Variants in SLC6A3 observed in about 807,000 individuals in gnomAD.
The protein encoded by SLC6A3 is sodium-dependent dopamine transporter.
SLC6A3 carries 19 observed loss-of-function variants against 70.4 expected under a neutral mutation model. The ratio of observed to expected loss-of-function variants is 0.27; its 90% confidence interval spans 0.19 to 0.40. The LOEUF is 0.40. SLC6A3 is among the 10% of genes least tolerant of loss of function. The pLI is 1.00. For missense variants in SLC6A3, 613 were observed against 838.5 expected, an observed-to-expected ratio of 0.73 and a Z score of 3.32; for synonymous variants, 368 against 356.6, an observed-to-expected ratio of 1.03 and a Z score of -0.36.
chr5:1,436,393 G>A lies in SLC6A3; in HGVS notation c.419-3695C>T, dbSNP rs1466607721. Among the ~76,000 whole-genome samples, 1 of 152,192 alleles carries A rather than the reference G, an allele frequency of 6.6e-6. No individual in the cohort carries two copies. Among genetic ancestry groups the A allele is most frequent in the African/African-American group, 2.4e-5 (1 of 41,456 alleles). ...TCTTAAACACCATTTAGTGACACGG[G>A]AGACTGTCTCCCCAAGGAGGTGGCA... On this transcript the variant is annotated intron_variant, in intron 3 of 14. Coordinates refer to ENST00000270349, the MANE Select transcript of SLC6A3 (RefSeq NM_001044.5). This position sits in a 1 kb window ranked among gnomAD's most constrained non-coding sequence, Gnocchi z 5.2.
chr5:1,429,978 A>G (rs458334), intron 4 of SLC6A3, among the ~76,000 whole-genome samples: 80,413 of 151,992 alleles, frequency 0.53, 21,988 homozygotes, highest in South Asian at 0.66. Context: ...TTATTTGGAC[A>G]ATTTTATCAT....
rs1756435751 is a variant in SLC6A3 at position 1,421,557 on chromosome 5, A to G, written c.792+319T>C. ...CAGCCACACGTGGACCCAAAACCCA[A>G]CTGTGCCGTGTGTCCGCCCAGCCCA... On this transcript the variant is annotated intron_variant, in intron 5 of 14. Transcript: ENST00000270349. This position sits in a 1 kb window ranked among gnomAD's most constrained non-coding sequence, Gnocchi z 7.2. 6.6e-6 allele frequency among the ~76,000 whole-genome samples: 1 copy of G among 151,818 alleles called. No homozygotes were observed. The highest frequency in any genetic ancestry group is 2.4e-5 in the African/African-American group (1 of 41,312).
At position 1,411,451 on chromosome 5, in the gene SLC6A3, G is replaced by C; in HGVS notation, c.1157-96C>G. 1.1e-6 allele frequency: 1 copy of C among 898,222 alleles called. No homozygotes were observed. The highest frequency in any genetic ancestry group is 1.8e-6 in the Non-Finnish European group (1 of 556,392). 55.6% of individuals were successfully genotyped at this position (898,222 alleles called of 1,614,324 possible). ...CCCCGAGAAGCATGGCCTGCCACAGGCCTGTAGAGACTAGGGCTGGTGCGG... is the reference window on the plus strand; with the variant it reads ...CCCCGAGAAGCATGGCCTGCCACAGCCCTGTAGAGACTAGGGCTGGTGCGG... On this transcript the variant is annotated intron_variant, in intron 8 of 14. Coordinates refer to ENST00000270349, the MANE Select transcript of SLC6A3 (RefSeq NM_001044.5). This position sits in a 1 kb window ranked among gnomAD's most constrained non-coding sequence, Gnocchi z 6.5.
At chr5:1,414,630 T>C (rs1370325463) in intron 8 of SLC6A3, 61 bp downstream of exon 8, 1 of 1,592,066 alleles carries the variant, frequency 6.3e-7, no homozygotes, top group Non-Finnish European at 8.5e-7. Context: ...AAAAAGGCTT[T>C]GCTGAGAGCT....
chr5:1,400,450 C>T (rs955537109), intron 14 of SLC6A3, among the ~76,000 whole-genome samples: 1 of 152,182 alleles, frequency 6.6e-6, no homozygotes, highest in Non-Finnish European at 1.5e-5. Flanking sequence ...TGACCATCCT[C>T]TCACTCGAAG....
intron 8 of SLC6A3, among the ~76,000 whole-genome samples, chr5:1,412,718 G>A (rs1408682618): frequency 6.6e-6 from 1 of 152,176 alleles, no homozygotes; most frequent in African/African-American, 2.4e-5. Context: ...AGAGTCCCCT[G>A]TCCTCAGCAG....
In SLC6A3 at chr5:1,400,962, C is replaced by T. The variant is rs745426965; in HGVS notation, c.1792G>A (p.Glu598Lys). 28 of 1,597,254 alleles carry T rather than the reference C, an allele frequency of 1.8e-5. 1 individual carries two copies. Among genetic ancestry groups the T allele is most frequent in the Admixed American group, 6.8e-5 (4 of 58,606 alleles). Residue 598 changes from glutamate (E) to lysine (K), a missense_variant, in exon 14 of 15, where the codon GAG (glutamate) becomes AAG (lysine). By Grantham distance (56) the Glu-to-Lys change is moderately conservative. This residue lies in a region of SLC6A3 where 348 missense variants were observed against 481.2 expected (regional missense o/e 0.72). Transcript: ENST00000270349. ...REKLAYAIAPEKDRELVDRGE... is the reference protein window; with the variant it reads ...REKLAYAIAPKKDRELVDRGE... Reference sequence around the variant, plus strand: ...CTGTCCACCAGCTCACGGTCCTTCTCGGGTGCAATGGCGTAGGCCAGTTTC... The same window carrying T: ...CTGTCCACCAGCTCACGGTCCTTCTTGGGTGCAATGGCGTAGGCCAGTTTC...
rs528388080 is a variant in SLC6A3, at chr5:1,442,787, T to C, written c.286+125A>G. The C allele has an allele frequency of 8.1e-6, 8 of 989,612 alleles. No individual in the cohort carries two copies. In the South Asian group the frequency reaches 9.1e-5, roughly 11 times the overall value. 61.3% of individuals were successfully genotyped at this position (989,612 alleles called of 1,614,324 possible). On this transcript the variant is annotated intron_variant, in intron 2 of 14. Transcript: ENST00000270349. The surrounding 1 kb of genome is among the most constrained non-coding windows in gnomAD (Gnocchi z 5.0). ...GAGGATCTGCACCGGCCGTGAGCTC[T>C]CACAGGGAGCTCCGTCTTCACGCAT... is the stretch of plus-strand genomic sequence containing the variant.
chr5:1,422,637 G>C (rs1313024385), intron 4 of SLC6A3, among the ~76,000 whole-genome samples: 9 of 39,084 alleles, frequency 2.3e-4, no homozygotes, highest in African/African-American at 2.9e-4. Context: ...CCGCTGCCCA[G>C]TGCTGCCCAT....
intron 6 of SLC6A3, among the ~76,000 whole-genome samples, chr5:1,417,289 G>A (rs1308929809): frequency 1.3e-5 from 2 of 151,768 alleles, no homozygotes; most frequent in Admixed American, 6.6e-5. Context: ...CTACATGATG[G>A]TGGCGCCCTG....
Position 1,406,219 on chromosome 5 carries a change from C to A in SLC6A3, c.1568G>T (p.Cys523Phe). 4 of 1,612,924 alleles carry A rather than the reference C, an allele frequency of 2.5e-6. No individual in the cohort carries two copies. The highest frequency in any genetic ancestry group is 3.4e-6 in the Non-Finnish European group (4 of 1,179,968). The change falls in exon 12 of 15, where the codon TGC becomes TTC. Residue 523 changes from cysteine to phenylalanine, a missense_variant. By Grantham distance (205) the Cys-to-Phe change is radical (BLOSUM62 -2). Around this residue, in one of 4 missense-constraint regions of SLC6A3, gnomAD observed 348 missense variants for 481.2 expected, o/e 0.72. Coordinates refer to ENST00000270349, the MANE Select transcript of SLC6A3 (RefSeq NM_001044.5). This position sits in a 1 kb window ranked among gnomAD's most constrained non-coding sequence, Gnocchi z 8.8. ...GQRPSLYWRL[C>F]WKLVSPCFLL... ...AAAGCAGGGGCTGACCAGCTTCCAGCACAGCCGCCAGTACAGGCTGGGCCG... is the reference window on the plus strand; with the variant it reads ...AAAGCAGGGGCTGACCAGCTTCCAGAACAGCCGCCAGTACAGGCTGGGCCG...
rs1054446597 is a variant in SLC6A3, at chr5:1,421,042, C to A, written c.793-339G>T. ...AGTGGATTCACACTGGTGAACGGCA[C>A]TGTGGCACGATGAAGGGCTGCTCTG... On this transcript the variant is annotated intron_variant, in intron 5 of 14. Transcript: ENST00000270349. The surrounding 1 kb of genome is among the most constrained non-coding windows in gnomAD (Gnocchi z 7.2). Among the ~76,000 whole-genome samples the A allele has an allele frequency of 2.0e-5, 3 of 152,178 alleles. No homozygotes were observed. Among genetic ancestry groups the A allele is most frequent in the African/African-American group, 7.2e-5 (3 of 41,430 alleles).
chr5:1,402,633 TAC>T lies in SLC6A3; in HGVS notation c.1767+287_1767+288del, dbSNP rs1431187185. On this transcript the variant is annotated intron_variant, in intron 13 of 14. Transcript: ENST00000270349. This position sits in a 1 kb window ranked among gnomAD's most constrained non-coding sequence, Gnocchi z 8.5. ...TACAGACACAGAGATACAGTGGATGTACACACAGGCACAAGCACACACAGACA... is the reference window on the plus strand; with the variant it reads ...TACAGACACAGAGATACAGTGGATGTACACAGGCACAAGCACACACAGACA... 1.3e-5 allele frequency among the ~76,000 whole-genome samples: 2 copies of T among 152,140 alleles called. No homozygotes were observed. The highest frequency in any genetic ancestry group is 1.3e-4 in the Admixed American group (2 of 15,296).
rs80135708 is a variant in SLC6A3, at chr5:1,416,414, G to C, written c.928-213C>G. Reference sequence around the variant, plus strand: ...GGCCTGGAAGAGCCTGAGAAGCAGGGGGCTGTCTGTGTTCATTGATCTGGG... The same window carrying C: ...GGCCTGGAAGAGCCTGAGAAGCAGGCGGCTGTCTGTGTTCATTGATCTGGG... On this transcript the variant is annotated intron_variant, in intron 6 of 14. Transcript: ENST00000270349. 3.0e-3 allele frequency: 1,832 copies of C among 612,516 alleles called. 24 individuals are homozygous for C. In the East Asian group the frequency reaches 0.033, roughly 11 times the overall value. 37.9% of individuals were successfully genotyped at this position (612,516 alleles called of 1,614,324 possible).
intron 3 of SLC6A3, 140 bp downstream of exon 3, chr5:1,441,219 G>T: frequency 1.0e-6 from 1 of 995,664 alleles, no homozygotes; most frequent in Non-Finnish European, 1.6e-6. Flanking sequence ...TGGGACCCAA[G>T]TTCAAGTGGC....
intron 3 of SLC6A3, among the ~76,000 whole-genome samples, chr5:1,439,154 G>T (rs1756909685): frequency 6.6e-6 from 1 of 152,180 alleles, no homozygotes; most frequent in South Asian, 2.1e-4. Context: ...GTTGGCTGCT[G>T]CATTCTTCCA....
At chr5:1,441,327 C>T (rs368452939) in intron 3 of SLC6A3, 32 bp downstream of exon 3, 86 of 1,613,600 alleles carry the variant, frequency 5.3e-5, no homozygotes, top group African/African-American at 1.7e-4. Flanking sequence ...ATCCGCGCTG[C>T]GCCAGGGTGA....
chr5:1,407,261 C>G (rs899719779), intron 11 of SLC6A3, among the ~76,000 whole-genome samples: 3 of 152,176 alleles, frequency 2.0e-5, no homozygotes, highest in African/African-American at 7.2e-5. Context: ...TGTCCCGTGT[C>G]CCATCAGAAA....
chr5:1,436,980 G>C lies in SLC6A3; in HGVS notation c.419-4282C>G, dbSNP rs773952299. ...AGAAAGACGGGAGAGGGCCGGGCACGGTGGCTCACTCCTGTAATCCCAGCA... is the reference window on the plus strand; with the variant it reads ...AGAAAGACGGGAGAGGGCCGGGCACCGTGGCTCACTCCTGTAATCCCAGCA... On this transcript the variant is annotated intron_variant, in intron 3 of 14. Coordinates refer to ENST00000270349, the MANE Select transcript of SLC6A3 (RefSeq NM_001044.5). The surrounding 1 kb of genome is among the most constrained non-coding windows in gnomAD (Gnocchi z 5.2). Among the ~76,000 whole-genome samples, 2 of 152,198 alleles carry C rather than the reference G, an allele frequency of 1.3e-5. No individual in the cohort carries two copies. The highest frequency in any genetic ancestry group is 4.8e-5 in the African/African-American group (2 of 41,450).
Sources: gnomAD v4.1 joint callset for allele counts (sites outside exome capture counted in the v4.1 genomes callset) on GRCh38, gnomAD v4.1.1 for gene constraint, gnomAD v4.1.1 regional missense constraint, Gnocchi (gnomAD v3.1) non-coding constraint, MANE v1.5 for transcripts, NCBI Gene and HGNC (gene_info 2026-07-23, HGNC 2026-07-21) for gene names.